The following HPSE2 variants were observed in gnomAD, a reference collection of about 807,000 sequenced individuals.
HPSE2 encodes inactive heparanase-2.
HPSE2 carries 38 observed loss-of-function variants against 60.5 expected under a neutral mutation model. The ratio of observed to expected loss-of-function variants is 0.63; its 90% confidence interval spans 0.48 to 0.82. HPSE2 has a LOEUF of 0.82. Among genes scored for constraint, HPSE2 ranks in the 40% least tolerant of loss-of-function variants. HPSE2 has a pLI of 0.00. For synonymous variants in HPSE2, 295 were observed against 293.2 expected (o/e 1.01, Z -0.06); for missense variants, 713 against 740.4 (o/e 0.96, Z 0.43).
chr10:99,011,754 C>CAAAAAAAAAAAAAAAAAAAAAAAAAAAA (rs5787319), intron 3 of HPSE2, among the ~76,000 whole-genome samples: 1 of 93,108 alleles, frequency 1.1e-5, no homozygotes. Context: ...GACTCCATCT[C>CAAAAAAAAAAAAAAAAAAAAAAAAAAAA]AAAAAAAAAA....
chr10:98,733,307 A>C (rs1949273857), intron 4 of HPSE2, among the ~76,000 whole-genome samples: 3 of 152,106 alleles, frequency 2.0e-5, no homozygotes, highest in Admixed American at 2.0e-4. Context: ...TTTTTTGTAG[A>C]GATGGGGTTT....
At chr10:98,975,604 A>G (rs1305588060) in intron 3 of HPSE2, among the ~76,000 whole-genome samples, 1 of 152,200 alleles carries the variant, frequency 6.6e-6, no homozygotes, top group Non-Finnish European at 1.5e-5. Context: ...TACAAGGAGA[A>G]TAAATATTTA....
At chr10:99,235,967 CT>C (rs1457725875), upstream of HPSE2, 1 of 359,334 alleles carries the variant, frequency 2.8e-6, no homozygotes, top group African/African-American at 5.2e-5. Flanking sequence ...CTCTCTCTCT[CT>C]CGCTCGCTCG....
intron 3 of HPSE2, among the ~76,000 whole-genome samples, chr10:98,988,254 G>T (rs1426472769): frequency 3.9e-5 from 6 of 152,258 alleles, no homozygotes; most frequent in African/African-American, 1.4e-4. Context: ...ATACTACAAG[G>T]CTACAGTAAC....
intron 3 of HPSE2, among the ~76,000 whole-genome samples, chr10:99,134,992 CAT>C (rs1247573138): frequency 1.3e-5 from 2 of 151,968 alleles, no homozygotes; most frequent in African/African-American, 4.8e-5. Context: ...CAAAGACACA[CAT>C]AGTCTCAAAA....
intron 6 of HPSE2, among the ~76,000 whole-genome samples, chr10:98,693,288 T>C (rs1421909972): frequency 6.6e-6 from 1 of 152,234 alleles, no homozygotes; most frequent in Non-Finnish European, 1.5e-5. Context: ...CTAAGGGAAC[T>C]TATAGAATAT....
In HPSE2 at chr10:99,199,147, A is replaced by T. The variant is rs544400431; in HGVS notation, c.448+33201T>A. Reference sequence around the variant, plus strand: ...TATTGTGAATATTGTTGCAAGGAACATGGGAGTGCAAATACCTCTTTGAGA... The same window carrying T: ...TATTGTGAATATTGTTGCAAGGAACTTGGGAGTGCAAATACCTCTTTGAGA... On this transcript the variant is annotated intron_variant, in intron 2 of 11. Transcript: ENST00000370552. 7.9e-5 allele frequency among the ~76,000 whole-genome samples: 12 copies of T among 152,308 alleles called. No individual in the cohort carries two copies. In the South Asian group the frequency reaches 2.1e-3, roughly 26 times the overall value.
At chr10:98,487,015 C>T (rs563532816) in intron 10 of HPSE2, among the ~76,000 whole-genome samples, 2 of 152,138 alleles carry the variant, frequency 1.3e-5, no homozygotes, top group East Asian at 3.9e-4. Flanking sequence ...CATGTTTTGC[C>T]AATAATAAAT....
chr10:98,622,815 TA>T (rs1946108924), intron 7 of HPSE2, among the ~76,000 whole-genome samples: 1 of 152,174 alleles, frequency 6.6e-6, no homozygotes, highest in Non-Finnish European at 1.5e-5. Flanking sequence ...TACCACTAGG[TA>T]GTCCTCTCAC....
At chr10:98,709,454 G>A (rs1948625846) in intron 5 of HPSE2, among the ~76,000 whole-genome samples, 1 of 152,140 alleles carries the variant, frequency 6.6e-6, no homozygotes, top group Non-Finnish European at 1.5e-5. Context: ...CTGAATTATG[G>A]TGACAGAAAT....
At chr10:98,733,165 G>C (rs1949269796) in intron 4 of HPSE2, among the ~76,000 whole-genome samples, 1 of 152,090 alleles carries the variant, frequency 6.6e-6, no homozygotes, top group South Asian at 2.1e-4. Context: ...CTGTTACCCA[G>C]GCTGGAGTGC....
intron 3 of HPSE2, among the ~76,000 whole-genome samples, chr10:98,767,487 A>C (rs1477653488): frequency 1.3e-5 from 2 of 149,260 alleles, no homozygotes; most frequent in East Asian, 3.9e-4. Context: ...ATAATACATG[A>C]TATATACATG....
chr10:98,930,780 G>C lies in HPSE2; in HGVS notation c.611-186724C>G, dbSNP rs148396277. Among the ~76,000 whole-genome samples, 9 of 144,524 alleles carry C rather than the reference G, an allele frequency of 6.2e-5. 1 individual carries two copies. The East Asian group carries it at 1.4e-3, about 22-fold the overall frequency. The allele number at this position is 144,524 out of a possible 152,430, so 94.8% of individuals were successfully genotyped here. On this transcript the variant is annotated intron_variant, in intron 3 of 11. Coordinates refer to ENST00000370552, the MANE Select transcript of HPSE2 (RefSeq NM_021828.5). ...CTGCATGTATGTCTTTTTTTGAGAA[G>C]TGTCTGTTCATACACTTTGCCTACT...
chr10:99,034,972 G>A (rs1256983282), intron 3 of HPSE2, among the ~76,000 whole-genome samples: 1 of 152,188 alleles, frequency 6.6e-6, no homozygotes, highest in African/African-American at 2.4e-5. Flanking sequence ...AGAACCATAA[G>A]TTTCCCTGAG....
intron 9 of HPSE2, among the ~76,000 whole-genome samples, chr10:98,537,452 A>C (rs566686647): frequency 5.5e-4 from 84 of 152,358 alleles, no homozygotes; most frequent in African/African-American, 1.9e-3. Context: ...CAAATTAGAT[A>C]TAGAGATGAC....
chr10:98,778,264 C>CAGAGAGAGAG (rs143885408), intron 3 of HPSE2, among the ~76,000 whole-genome samples: 2,173 of 112,688 alleles, frequency 0.019, 126 homozygotes, highest in African/African-American at 0.038. Context: ...GAGAGAGAGA[C>CAGAGAGAGAG]AGAGAGAGAG....
At chr10:98,888,121 T>C (rs1170488310) in intron 3 of HPSE2, among the ~76,000 whole-genome samples, 2 of 134,610 alleles carry the variant, frequency 1.5e-5, no homozygotes, top group Non-Finnish European at 3.1e-5. Flanking sequence ...GCAAAAGGGA[T>C]AGGTTTTAAA....
intron 2 of HPSE2, among the ~76,000 whole-genome samples, chr10:99,152,984 G>A (rs560968299): frequency 6.6e-6 from 1 of 152,350 alleles, no homozygotes; most frequent in African/African-American, 2.4e-5. Flanking sequence ...CAAAGAAAGG[G>A]GTGACAGAGG....
chr10:98,631,219 T>C (rs1186503332), intron 7 of HPSE2, among the ~76,000 whole-genome samples: 2 of 152,210 alleles, frequency 1.3e-5, no homozygotes, highest in South Asian at 2.1e-4. Context: ...TTCTCTGCAC[T>C]TGTTATCTCA....
Sources: allele counts gnomAD v4.1 joint callset (sites outside exome capture counted in the v4.1 genomes callset), GRCh38; gene constraint gnomAD v4.1.1; transcripts MANE v1.5; gene names NCBI Gene and HGNC (gene_info 2026-07-23, HGNC 2026-07-21).